SGCZ: variants seen among roughly 807,000 people sequenced by gnomAD.
SGCZ encodes the protein sarcoglycan zeta.
In SGCZ, 40 loss-of-function variants were observed where a neutral mutation model predicts 41.3. The observed-to-expected ratio is 0.97, with a 90% CI of 0.75 to 1.26. The LOEUF is 1.26. Among genes scored for constraint, SGCZ ranks in the 50% most tolerant of loss-of-function variants. The pLI, the probability that SGCZ is intolerant of heterozygous loss-of-function variation, is 0.00. For missense variants in SGCZ, 552 were observed against 369.8 expected (o/e 1.49, Z -4.04); for synonymous variants, 206 against 137.5 (o/e 1.50, Z -3.49).
chr8:14,945,781 C>T (rs1192037583), intron 1 of SGCZ, among the ~76,000 whole-genome samples: 2 of 151,234 alleles, frequency 1.3e-5, no homozygotes, highest in Non-Finnish European at 2.9e-5. Context: ...AACATCAGAA[C>T]CTTATTGTCT....
At chr8:14,733,878 C>T (rs557003618) in intron 1 of SGCZ, among the ~76,000 whole-genome samples, 15 of 152,158 alleles carry the variant, frequency 9.9e-5, no homozygotes, top group African/African-American at 3.4e-4. Context: ...AATCGTATAC[C>T]CATGAATATC....
chr8:15,025,813 C>A (rs2130950256), intron 1 of SGCZ, among the ~76,000 whole-genome samples: 1 of 152,262 alleles, frequency 6.6e-6, no homozygotes, highest in South Asian at 2.1e-4. Flanking sequence ...GTTCCATTTG[C>A]ATCAACTCTA....
intron 3 of SGCZ, among the ~76,000 whole-genome samples, chr8:14,270,682 G>C (rs1347015436): frequency 1.3e-5 from 2 of 152,016 alleles, no homozygotes; most frequent in African/African-American, 4.8e-5. Context: ...ACTTTCATAA[G>C]AAATGATGTA....
intron 2 of SGCZ, among the ~76,000 whole-genome samples, chr8:14,419,542 C>A (rs1452153547): frequency 6.6e-6 from 1 of 151,778 alleles, no homozygotes; most frequent in Non-Finnish European, 1.5e-5. Flanking sequence ...TATAACTAGT[C>A]AGCAGACAAA....
intron 1 of SGCZ, among the ~76,000 whole-genome samples, chr8:15,154,909 G>T (rs1364508196): frequency 1.3e-5 from 2 of 152,152 alleles, no homozygotes; most frequent in African/African-American, 4.8e-5. Context: ...GTGTTCTACA[G>T]CAGTGTAGGG....
intron 1 of SGCZ, among the ~76,000 whole-genome samples, chr8:14,883,780 T>TTG (rs1804683951): frequency 7.3e-6 from 1 of 136,238 alleles, no homozygotes; most frequent in South Asian, 2.2e-4. Flanking sequence ...CCTGTTGTTT[T>TTG]TTTTTTTTTT....
At chr8:14,603,653 G>A (rs1028233305) in intron 1 of SGCZ, among the ~76,000 whole-genome samples, 42 of 152,044 alleles carry the variant, frequency 2.8e-4, no homozygotes, top group African/African-American at 9.7e-4. Flanking sequence ...ACCCACAAAT[G>A]CAATTTAGAT....
intron 4 of SGCZ, among the ~76,000 whole-genome samples, chr8:14,176,149 TGAAA>T (rs1804535606): frequency 6.6e-6 from 1 of 152,090 alleles, no homozygotes; most frequent in African/African-American, 2.4e-5. Context: ...AAGTAAATAA[TGAAA>T]CAAAACATTA....
At chr8:14,617,811 A>T (rs1806153848) in intron 1 of SGCZ, among the ~76,000 whole-genome samples, 1 of 151,680 alleles carries the variant, frequency 6.6e-6, no homozygotes. Context: ...CATGTTGAAG[A>T]AGATGGAAAA....
chr8:15,016,804 T>G (rs551200567), intron 1 of SGCZ, among the ~76,000 whole-genome samples: 2 of 152,226 alleles, frequency 1.3e-5, no homozygotes, highest in South Asian at 4.2e-4. Context: ...CTGCTTCTGG[T>G]GAGGGCCTCA....
At position 14,897,232 on chromosome 8, in the gene SGCZ, T is replaced by C. The variant is rs370524099; in HGVS notation, c.39+340353A>G. 1.1e-4 allele frequency among the ~76,000 whole-genome samples: 17 copies of C among 152,294 alleles called. No homozygotes were observed. In the South Asian group the frequency reaches 3.5e-3, roughly 32 times the overall value. On this transcript the variant is annotated intron_variant, in intron 1 of 7. Transcript: ENST00000382080. The stretch of plus-strand genomic sequence containing the variant: ...CTAATGCCTGTCTCAAAGGAAATGG[T>C]TGGTGAATATAATTAATAATTACGT...
intron 1 of SGCZ, among the ~76,000 whole-genome samples, chr8:14,640,611 T>A (rs976894556): frequency 5.3e-5 from 8 of 150,940 alleles, no homozygotes; most frequent in Admixed American, 1.3e-4. Context: ...ACCACACATA[T>A]ATATATACAC....
intron 1 of SGCZ, among the ~76,000 whole-genome samples, chr8:14,775,771 G>A (rs995870068): frequency 6.6e-6 from 1 of 152,112 alleles, no homozygotes; most frequent in Admixed American, 6.5e-5. Context: ...TAAAAATTTT[G>A]AAATCAGAAT....
intron 2 of SGCZ, among the ~76,000 whole-genome samples, chr8:14,333,433 A>G (rs1802405386): frequency 6.6e-6 from 1 of 152,116 alleles, no homozygotes; most frequent in Non-Finnish European, 1.5e-5. Context: ...TAATCTTTTA[A>G]CAAGGCAATA....
chr8:14,842,592 A>G (rs1802962768), intron 1 of SGCZ, among the ~76,000 whole-genome samples: 2 of 152,264 alleles, frequency 1.3e-5, no homozygotes, highest in South Asian at 4.2e-4. Flanking sequence ...GTTATTTGAG[A>G]TGATGTAGAG....
intron 2 of SGCZ, among the ~76,000 whole-genome samples, chr8:14,474,861 A>G (rs1801313591): frequency 6.6e-6 from 1 of 152,148 alleles, no homozygotes; most frequent in Admixed American, 6.5e-5. Context: ...AATCTTGCAA[A>G]TGCATCATTC....
intron 4 of SGCZ, among the ~76,000 whole-genome samples, chr8:14,170,203 G>A (rs778465421): frequency 2.6e-5 from 4 of 151,736 alleles, no homozygotes; most frequent in Non-Finnish European, 4.4e-5. Flanking sequence ...GAATCCACAC[G>A]TACAAATCCT....
chr8:14,380,867 A>C (rs1381306020), intron 2 of SGCZ, among the ~76,000 whole-genome samples: 1 of 151,708 alleles, frequency 6.6e-6, no homozygotes, highest in Non-Finnish European at 1.5e-5. Flanking sequence ...TCAAACAAAC[A>C]AACAAAAAAA....
intron 1 of SGCZ, among the ~76,000 whole-genome samples, chr8:14,875,680 C>T (rs1804331120): frequency 6.6e-6 from 1 of 152,090 alleles, no homozygotes; most frequent in Non-Finnish European, 1.5e-5. Context: ...CAGGTCAAGA[C>T]ATTTAAGGTG....
Sources: gnomAD v4.1 joint callset for allele counts (sites outside exome capture counted in the v4.1 genomes callset) on GRCh38, gnomAD v4.1.1 for gene constraint, MANE v1.5 for transcripts, NCBI Gene and HGNC (gene_info 2026-07-23, HGNC 2026-07-21) for gene names.